CTNNA2: variants seen among roughly 807,000 people sequenced by gnomAD.
CTNNA2 encodes catenin alpha-2.
A neutral mutation model predicts 101.0 loss-of-function variants in CTNNA2; 42 were observed. The ratio of observed to expected loss-of-function variants is 0.42; its 90% CI spans 0.32 to 0.54. The LOEUF (loss-of-function observed/expected upper bound fraction) is 0.54. Ranked by LOEUF, CTNNA2 falls within the 20% of genes least tolerant of loss-of-function variation. The pLI is 0.14. For missense variants in CTNNA2, 871 were observed against 1,223.1 expected (o/e 0.71, Z 4.29); for synonymous variants, 450 against 456.4 (o/e 0.99, Z 0.18).
chr2:79,435,296 C>T (rs1678701631), intron 4 of CTNNA2, among the ~76,000 whole-genome samples: 1 of 152,138 alleles, frequency 6.6e-6, no homozygotes, highest in South Asian at 2.1e-4. Context: ...GAAGTGTTGT[C>T]ATATGGCCTG....
intron 9 of CTNNA2, among the ~76,000 whole-genome samples, chr2:80,477,992 CT>C (rs1410197408): frequency 6.6e-6 from 1 of 152,010 alleles, no homozygotes; most frequent in Non-Finnish European, 1.5e-5. Context: ...AGAGGTCGTA[CT>C]AATTTACTTT....
rs140952459 is a variant in CTNNA2, at chr2:79,809,060, T to C, written c.299-48953T>C. On this transcript the variant is annotated intron_variant, in intron 3 of 18. Coordinates refer to ENST00000402739, the MANE Select transcript of CTNNA2 (RefSeq NM_001282597.3). ...CGGTGTTTGGTTTTCTGTTCCTGTG[T>C]TAGTTTGATGAGAATGATGGTGTCC... 2.0e-3 allele frequency among the ~76,000 whole-genome samples: 308 copies of C among 152,258 alleles called. 9 individuals are homozygous for C. In the East Asian group the frequency reaches 0.047, roughly 23 times the overall value.
intron 9 of CTNNA2, among the ~76,000 whole-genome samples, chr2:80,438,867 A>C (rs1234170792): frequency 6.6e-6 from 1 of 152,168 alleles, no homozygotes; most frequent in East Asian, 1.9e-4. Context: ...TTGTTTGCTA[A>C]AAGGGCTCAT....
intron 3 of CTNNA2, among the ~76,000 whole-genome samples, chr2:79,353,292 A>G (rs1478667657): frequency 6.6e-6 from 1 of 152,200 alleles, no homozygotes; most frequent in Non-Finnish European, 1.5e-5. Flanking sequence ...ATGTGATGGT[A>G]TGATTTTGAG....
chr2:79,899,974 T>C (rs1684971489), intron 6 of CTNNA2, among the ~76,000 whole-genome samples: 1 of 152,226 alleles, frequency 6.6e-6, no homozygotes, highest in Non-Finnish European at 1.5e-5. Context: ...TCTGTATTAA[T>C]TATTGATACA....
In CTNNA2 at chr2:79,809,733, G is replaced by A. The variant is rs550762912; in HGVS notation, c.299-48280G>A. On this transcript the variant is annotated intron_variant, in intron 3 of 18. Transcript: ENST00000402739. ...GCAAAAATTTTCTCCCATTCTGTAG[G>A]TTGCCTATCACTCTGATGATAGTTT... Among the ~76,000 whole-genome samples the A allele has an allele frequency of 7.2e-5, 11 of 152,176 alleles. No homozygotes were observed. The South Asian group carries it at 2.1e-3, about 29-fold the overall frequency.
chr2:79,926,162 G>C (rs1687007721), intron 7 of CTNNA2, among the ~76,000 whole-genome samples: 1 of 152,068 alleles, frequency 6.6e-6, no homozygotes, highest in Non-Finnish European at 1.5e-5. Flanking sequence ...CCTAACCTAA[G>C]TTTCTCAGCA....
intron 7 of CTNNA2, among the ~76,000 whole-genome samples, chr2:80,221,407 G>T (rs1054137911): frequency 6.6e-6 from 1 of 152,182 alleles, no homozygotes; most frequent in Admixed American, 6.5e-5. Flanking sequence ...CAGCTGGCAA[G>T]TTGGAAAGAA....
chr2:80,560,009 T>G (rs1322701638), intron 12 of CTNNA2, among the ~76,000 whole-genome samples: 1 of 147,858 alleles, frequency 6.8e-6, no homozygotes, highest in Non-Finnish European at 1.5e-5. Context: ...TTAAAAGATC[T>G]GTGAGATTCT....
chr2:80,098,836 T>C (rs770967389), intron 7 of CTNNA2, among the ~76,000 whole-genome samples: 2 of 152,118 alleles, frequency 1.3e-5, no homozygotes, highest in Non-Finnish European at 2.9e-5. Flanking sequence ...TGGTGTGCCG[T>C]TTGTTAAGCC....
At chr2:79,630,978 G>A (rs1241092714) in intron 1 of CTNNA2, among the ~76,000 whole-genome samples, 1 of 152,100 alleles carries the variant, frequency 6.6e-6, no homozygotes, top group Non-Finnish European at 1.5e-5. Context: ...ACTGAAAGCT[G>A]GTTGAAACCC....
intron 4 of CTNNA2, among the ~76,000 whole-genome samples, chr2:79,470,206 T>A (rs967315751): frequency 6.6e-6 from 1 of 152,172 alleles, no homozygotes; most frequent in African/African-American, 2.4e-5. Context: ...GCAGCAGTAA[T>A]TTATGATACA....
At chr2:80,635,256 A>G (rs955085585) in intron 18 of CTNNA2, among the ~76,000 whole-genome samples, 2 of 152,166 alleles carry the variant, frequency 1.3e-5, no homozygotes, top group African/African-American at 2.4e-5. Flanking sequence ...GGAAAAAAGA[A>G]AATGATTTGG....
At chr2:79,663,403 C>A (rs1309292281) in intron 2 of CTNNA2, among the ~76,000 whole-genome samples, 2 of 152,160 alleles carry the variant, frequency 1.3e-5, no homozygotes, top group African/African-American at 4.8e-5. Context: ...CTGATTTGTA[C>A]CTTGCTGTAA....
intron 1 of CTNNA2, among the ~76,000 whole-genome samples, chr2:79,624,921 G>C (rs893925177): frequency 1.3e-5 from 2 of 152,086 alleles, no homozygotes; most frequent in Admixed American, 1.3e-4. Context: ...CCGGAGCCAG[G>C]TATGCAAATA....
intron 9 of CTNNA2, among the ~76,000 whole-genome samples, chr2:80,504,739 A>G (rs931733483): frequency 1.3e-5 from 2 of 152,188 alleles, no homozygotes; most frequent in African/African-American, 4.8e-5. Flanking sequence ...TGGAGATTCA[A>G]TGGAGGTATA....
intron 2 of CTNNA2, among the ~76,000 whole-genome samples, chr2:79,740,077 G>T (rs756665670): frequency 1.4e-4 from 21 of 152,132 alleles, no homozygotes; most frequent in Non-Finnish European, 2.6e-4. Flanking sequence ...AAACTTGCGT[G>T]AAGGGGGTTT....
At chr2:79,692,385 G>T (rs946507780) in intron 2 of CTNNA2, among the ~76,000 whole-genome samples, 2 of 152,124 alleles carry the variant, frequency 1.3e-5, no homozygotes, top group Non-Finnish European at 2.9e-5. Context: ...TGCTGGAGAG[G>T]ATGTGGAGAA....
At chr2:80,615,331 T>G (rs1161264629) in intron 17 of CTNNA2, among the ~76,000 whole-genome samples, 1 of 151,566 alleles carries the variant, frequency 6.6e-6, no homozygotes, top group Non-Finnish European at 1.5e-5. Context: ...TTCAAAGAGC[T>G]GCATTTATTT....
Sources: gnomAD v4.1 joint callset for allele counts (sites outside exome capture counted in the v4.1 genomes callset) on GRCh38, gnomAD v4.1.1 for gene constraint, MANE v1.5 for transcripts, NCBI Gene and HGNC (gene_info 2026-07-23, HGNC 2026-07-21) for gene names.